Variants in SPRR2G observed in about 807,000 individuals in gnomAD.
The protein encoded by SPRR2G is small proline-rich protein 2G.
Under a neutral mutation model 0.7 loss-of-function variants are expected in SPRR2G, and 1 was observed. The ratio of observed to expected loss-of-function variants is 1.49; its 90% CI spans 0.53 to 7.06. The LOEUF (loss-of-function observed/expected upper bound fraction) is 7.06, where lower values mean the gene tolerates loss of function less well. Ranked by LOEUF, SPRR2G falls within the 30% of genes most tolerant of loss-of-function variation. The probability of loss-of-function intolerance (pLI) is 0.14; values close to 1 mark genes in which losing one functional copy is unlikely to be tolerated. For missense variants in SPRR2G, 96 were observed against 88.5 expected, an observed-to-expected ratio of 1.09 and a Z score of -0.34; for synonymous variants, 38 against 33.9, an observed-to-expected ratio of 1.12 and a Z score of -0.42.
At chr1:153,162,203 A>C in the SPRR2G span, among the ~76,000 whole-genome samples, 4,692 of 151,886 alleles carry the variant, frequency 0.031, 240 homozygotes, top group African/African-American at 0.11. Context: ...GTTCCCCTCT[A>C]TGTGTCCATG....
At chr1:153,182,548 C>T in the SPRR2G span, among the ~76,000 whole-genome samples, 1 of 152,094 alleles carries the variant, frequency 6.6e-6, no homozygotes, top group Non-Finnish European at 1.5e-5. Flanking sequence ...TTGTATTCCA[C>T]CACCCCTGAC....
At chr1:153,177,149 G>A in the SPRR2G span, among the ~76,000 whole-genome samples, 3 of 152,106 alleles carry the variant, frequency 2.0e-5, no homozygotes, top group Non-Finnish European at 2.9e-5. Flanking sequence ...TAAACATAGT[G>A]TCTTGATACA....
the SPRR2G span, among the ~76,000 whole-genome samples, chr1:153,195,260 C>A: frequency 3.9e-5 from 6 of 152,212 alleles, no homozygotes; most frequent in African/African-American, 1.4e-4. Context: ...AATCACAAAG[C>A]CCAGAAATTA....
At chr1:153,167,620 G>C in the SPRR2G span, among the ~76,000 whole-genome samples, 3 of 152,252 alleles carry the variant, frequency 2.0e-5, no homozygotes, top group East Asian at 5.8e-4. Context: ...AGATTAGGAA[G>C]GTGGAACTTA....
chr1:153,182,274 T>G, the SPRR2G span, among the ~76,000 whole-genome samples: 1 of 152,144 alleles, frequency 6.6e-6, no homozygotes, highest in Admixed American at 6.5e-5. Context: ...TTTGGTTTTT[T>G]GCTGTTGTTT....
chr1:153,167,184 A>G, the SPRR2G span, among the ~76,000 whole-genome samples: 4 of 152,346 alleles, frequency 2.6e-5, no homozygotes, highest in East Asian at 7.7e-4. Flanking sequence ...GAAAAAAAAT[A>G]AAATCTCTGG....
the SPRR2G span, among the ~76,000 whole-genome samples, chr1:153,180,784 C>CT: frequency 4.0e-3 from 606 of 152,258 alleles, 9 homozygotes; most frequent in African/African-American, 0.013. Context: ...TTGGTATTGT[C>CT]TATCTTTTTT....
the SPRR2G span, among the ~76,000 whole-genome samples, chr1:153,180,016 A>G: frequency 3.3e-5 from 5 of 152,284 alleles, no homozygotes; most frequent in East Asian, 7.7e-4. Flanking sequence ...TGACTTCATC[A>G]TATCTTTCTT....
At chr1:153,181,570 C>T in the SPRR2G span, among the ~76,000 whole-genome samples, 1 of 152,056 alleles carries the variant, frequency 6.6e-6, no homozygotes, top group African/African-American at 2.4e-5. Context: ...CAACCCCATG[C>T]ACATACACGC....
chr1:153,171,733 A>G, the SPRR2G span, among the ~76,000 whole-genome samples: 1 of 152,222 alleles, frequency 6.6e-6, no homozygotes, highest in African/African-American at 2.4e-5. Flanking sequence ...TCTCCCTGGC[A>G]CAGATAGTGA....
At chr1:153,185,809 G>A in the SPRR2G span, among the ~76,000 whole-genome samples, 459 of 152,228 alleles carry the variant, frequency 3.0e-3, 2 homozygotes, top group African/African-American at 9.8e-3. Flanking sequence ...TCATGTTAGG[G>A]TGTCGATTTT....
At chr1:153,179,339 A>T in the SPRR2G span, among the ~76,000 whole-genome samples, 25 of 152,302 alleles carry the variant, frequency 1.6e-4, no homozygotes, top group African/African-American at 6.0e-4. Context: ...AGCCAAGCTG[A>T]CACGTCAAAA....
chr1:153,161,586 A>C, the SPRR2G span, among the ~76,000 whole-genome samples: 1 of 152,106 alleles, frequency 6.6e-6, no homozygotes, highest in East Asian at 1.9e-4. Context: ...ATGCAGCCCC[A>C]CTTGTCTACT....
chr1:153,197,164 G>GTGTA, the SPRR2G span, among the ~76,000 whole-genome samples: 2 of 148,502 alleles, frequency 1.3e-5, no homozygotes, highest in Non-Finnish European at 3.0e-5. Flanking sequence ...GTGTGTGTGT[G>GTGTA]TGTGTGTGTG....
chr1:153,172,018 T>C, the SPRR2G span, among the ~76,000 whole-genome samples: 1,190 of 152,206 alleles, frequency 7.8e-3, 18 homozygotes, highest in African/African-American at 0.026. Flanking sequence ...CCAATTTCCT[T>C]TTACACTCAA....
the SPRR2G span, among the ~76,000 whole-genome samples, chr1:153,201,771 C>T: frequency 2.0e-5 from 3 of 152,210 alleles, no homozygotes; most frequent in Non-Finnish European, 4.4e-5. Context: ...CCATCTTCAA[C>T]TCATGATCTT....
At chr1:153,151,644 T>C (rs554158263), upstream of SPRR2G, among the ~76,000 whole-genome samples, 1 of 152,360 alleles carries the variant, frequency 6.6e-6, no homozygotes, top group Admixed American at 6.5e-5. Context: ...TCTCCCATTT[T>C]CTTCCAAACT....
At chr1:153,182,813 G>A in the SPRR2G span, among the ~76,000 whole-genome samples, 1 of 152,136 alleles carries the variant, frequency 6.6e-6, no homozygotes, top group Admixed American at 6.5e-5. Context: ...TTGGTTCCAA[G>A]TCTTTGCTAT....
At chr1:153,163,846 CA>C in the SPRR2G span, among the ~76,000 whole-genome samples, 1 of 152,128 alleles carries the variant, frequency 6.6e-6, no homozygotes, top group South Asian at 2.1e-4. Context: ...GTATCCAAAA[CA>C]AAACCCATCC....
Sources: gnomAD v4.1 joint callset for allele counts (sites outside exome capture counted in the v4.1 genomes callset) on GRCh38, gnomAD v4.1.1 for gene constraint, MANE v1.5 for transcripts, NCBI Gene and HGNC (gene_info 2026-07-23, HGNC 2026-07-21) for gene names.